AGBL4: variants seen among roughly 807,000 people sequenced by gnomAD.
AGBL4 encodes AGBL carboxypeptidase 4, also known as cytosolic carboxypeptidase 6.
Under a neutral mutation model 66.4 loss-of-function variants are expected in AGBL4, and 58 were observed. The observed-to-expected ratio is 0.87, with a 90% CI of 0.71 to 1.09. AGBL4 has a LOEUF of 1.09. Among genes scored for constraint, AGBL4 ranks in the 50% least tolerant of loss-of-function variants. AGBL4 has a pLI of 0.00. For synonymous variants in AGBL4, 234 were observed against 222.9 expected, an observed-to-expected ratio of 1.05 and a Z score of -0.44; for missense variants, 579 against 631.0, an observed-to-expected ratio of 0.92 and a Z score of 0.88.
At chr1:49,527,189 T>G (rs555934887) in intron 3 of AGBL4, 1 of 152,112 alleles carries the variant, frequency 6.6e-6, no homozygotes, top group South Asian at 2.1e-4. Flanking sequence ...TAAAAGAAGG[T>G]GTATCCAAGT....
chr1:49,838,631 G>T (rs1317009148), intron 2 of AGBL4, among the ~76,000 whole-genome samples: 1 of 152,128 alleles, frequency 6.6e-6, no homozygotes, highest in Non-Finnish European at 1.5e-5. Context: ...ATTTTATGGA[G>T]CATGAAGAAT....
At chr1:49,857,720 T>C (rs1310507988) in intron 1 of AGBL4, among the ~76,000 whole-genome samples, 1 of 151,998 alleles carries the variant, frequency 6.6e-6, no homozygotes, top group Non-Finnish European at 1.5e-5. Context: ...TATACAAAAA[T>C]CAACTCAATG....
chr1:49,162,610 T>A (rs1646561147), intron 4 of AGBL4, among the ~76,000 whole-genome samples: 1 of 152,174 alleles, frequency 6.6e-6, no homozygotes, highest in Non-Finnish European at 1.5e-5. Flanking sequence ...GCCATTCCAG[T>A]CAAACCAATA....
chr1:48,618,960 A>T (rs1345304735), intron 9 of AGBL4, among the ~76,000 whole-genome samples: 6 of 151,672 alleles, frequency 4.0e-5, no homozygotes, highest in Non-Finnish European at 8.8e-5. Flanking sequence ...AAAAACGGGA[A>T]ATCAATAGAA....
At chr1:49,250,987 C>A (rs1224891383) in intron 3 of AGBL4, among the ~76,000 whole-genome samples, 2 of 152,130 alleles carry the variant, frequency 1.3e-5, no homozygotes, top group African/African-American at 4.8e-5. Flanking sequence ...TGACTTGGTC[C>A]CATAAGATAC....
Position 48,689,219 on chromosome 1 carries a change from A to AAAAAGAAAAGAAAAGAAAAG in AGBL4, c.635-25998_635-25979dup, listed in dbSNP as rs1174074579. On this transcript the variant is annotated intron_variant, in intron 6 of 13. Transcript: ENST00000371839. ...ACCCGGTCTCAAAAAAAAAAAAAAA[A>AAAAAGAAAAGAAAAGAAAAG]AAAAGAAAAGAAAAGAAAAGAAACA... 5.9e-4 allele frequency among the ~76,000 whole-genome samples: 83 copies of AAAAAGAAAAGAAAAGAAAAG among 141,562 alleles called. 1 individual carries two copies. Among genetic ancestry groups the AAAAAGAAAAGAAAAGAAAAG allele is most frequent in the African/African-American group, 2.4e-3 (77 of 32,346 alleles). 92.9% of individuals were successfully genotyped at this position (141,562 alleles called of 152,430 possible).
At chr1:49,860,327 C>A (rs573559592) in intron 1 of AGBL4, among the ~76,000 whole-genome samples, 60 of 152,354 alleles carry the variant, frequency 3.9e-4, no homozygotes, top group African/African-American at 1.3e-3. Context: ...CAAACACTTA[C>A]ATGGTCAATT....
chr1:49,392,618 A>G (rs1371045426), intron 3 of AGBL4, among the ~76,000 whole-genome samples: 2 of 152,160 alleles, frequency 1.3e-5, no homozygotes, highest in Admixed American at 1.3e-4. Context: ...CTCAATAGCC[A>G]CACATGGTTA....
At chr1:49,158,511 T>C (rs1465637519) in intron 4 of AGBL4, among the ~76,000 whole-genome samples, 1 of 152,194 alleles carries the variant, frequency 6.6e-6, no homozygotes, top group Non-Finnish European at 1.5e-5. Flanking sequence ...TTAGAATAAG[T>C]GCCATGTAGT....
At chr1:49,111,002 C>A (rs78620882) in intron 4 of AGBL4, among the ~76,000 whole-genome samples, 8 of 152,070 alleles carry the variant, frequency 5.3e-5, no homozygotes, top group Non-Finnish European at 4.4e-5. Context: ...CCTCCTCCCC[C>A]CAAAAAAGTC....
chr1:49,112,286 C>G (rs1441988018), intron 4 of AGBL4, among the ~76,000 whole-genome samples: 3 of 152,052 alleles, frequency 2.0e-5, no homozygotes, highest in Non-Finnish European at 4.4e-5. Flanking sequence ...AATAAGATAC[C>G]GTATTTGAAA....
At chr1:49,670,075 T>G (rs562315145) in intron 3 of AGBL4, among the ~76,000 whole-genome samples, 3 of 151,812 alleles carry the variant, frequency 2.0e-5, no homozygotes, top group African/African-American at 7.3e-5. Flanking sequence ...CAAGTATAAA[T>G]TTGAAAAAAA....
intron 6 of AGBL4, among the ~76,000 whole-genome samples, chr1:48,723,090 C>T (rs1647177558): frequency 6.6e-6 from 1 of 152,188 alleles, no homozygotes; most frequent in South Asian, 2.1e-4. Context: ...CCACGCTCCC[C>T]ACTCTTTCCC....
At chr1:49,413,898 C>T (rs953809156) in intron 3 of AGBL4, among the ~76,000 whole-genome samples, 8 of 152,102 alleles carry the variant, frequency 5.3e-5, no homozygotes, top group African/African-American at 1.7e-4. Context: ...TCAGATTTCT[C>T]CTCTGTAAAT....
At chr1:48,968,478 C>T (rs1364840561) in intron 5 of AGBL4, among the ~76,000 whole-genome samples, 1 of 152,090 alleles carries the variant, frequency 6.6e-6, no homozygotes, top group African/African-American at 2.4e-5. Context: ...GGCATCTAAA[C>T]AGACTGAAGA....
intron 1 of AGBL4, among the ~76,000 whole-genome samples, chr1:49,895,197 A>T (rs557704314): frequency 6.8e-5 from 9 of 131,474 alleles, no homozygotes; most frequent in African/African-American, 2.2e-4. Flanking sequence ...TTCCCAGTTT[A>T]AAAAAAAAAA....
chr1:50,012,165 CAAAAAA>C (rs34501869), intron 1 of AGBL4, among the ~76,000 whole-genome samples: 1 of 47,776 alleles, frequency 2.1e-5, no homozygotes, highest in Non-Finnish European at 4.6e-5. Context: ...GACTCCGTCT[CAAAAAA>C]AAAAAAAAAA....
In AGBL4 at chr1:49,702,342, T is replaced by G. The variant is rs549591780; in HGVS notation, c.158-4905A>C. Among the ~76,000 whole-genome samples, 7 of 152,012 alleles carry G rather than the reference T, an allele frequency of 4.6e-5. No individual in the cohort carries two copies. The South Asian group carries it at 1.5e-3, about 32-fold the overall frequency. On this transcript the variant is annotated intron_variant, in intron 2 of 13. Coordinates refer to ENST00000371839, the MANE Select transcript of AGBL4 (RefSeq NM_032785.4). ...CTCGTCTCTACTAAAAATACAAAAA[T>G]TAGCTGGGCATAGTGGTGCATGCCT...
intron 6 of AGBL4, among the ~76,000 whole-genome samples, chr1:48,785,298 T>C (rs561192058): frequency 6.6e-6 from 1 of 152,346 alleles, no homozygotes; most frequent in East Asian, 1.9e-4. Context: ...GTTGCATCCT[T>C]GTGCCTAACC....
Sources: gnomAD v4.1 joint callset for allele counts (sites outside exome capture counted in the v4.1 genomes callset) on GRCh38, gnomAD v4.1.1 for gene constraint, MANE v1.5 for transcripts, NCBI Gene and HGNC (gene_info 2026-07-23, HGNC 2026-07-21) for gene names.